Variants in GTF3C3 observed in about 807,000 individuals in gnomAD.
GTF3C3 encodes general transcription factor 3C polypeptide 3.
Under a neutral mutation model 105.2 loss-of-function variants are expected in GTF3C3, and 75 were observed. The observed-to-expected ratio is 0.71, with a 90% CI of 0.59 to 0.86. GTF3C3 has a LOEUF of 0.86. Among genes scored for constraint, GTF3C3 ranks in the 40% least tolerant of loss-of-function variants. The probability of loss-of-function intolerance (pLI) is 0.00; values close to 1 mark genes in which losing one functional copy is unlikely to be tolerated. For synonymous variants in GTF3C3, 335 were observed against 370.4 expected (o/e 0.90, Z 1.10); for missense variants, 856 against 1,076.5 (o/e 0.80, Z 2.87).
chr2:196,795,738 G>C (rs1428107989), intron 2 of GTF3C3, among the ~76,000 whole-genome samples: 1 of 152,188 alleles, frequency 6.6e-6, no homozygotes, highest in Non-Finnish European at 1.5e-5. Flanking sequence ...TACTAAGAAT[G>C]AGACAAAGTT....
chr2:196,799,278 G>C (rs979850485), intron 1 of GTF3C3: 1 of 487,790 alleles, frequency 2.1e-6, no homozygotes, highest in Non-Finnish European at 3.7e-6. Flanking sequence ...GTAGTATTGG[G>C]GGAAAAAGAA....
At position 196,764,574 on chromosome 2, in the gene GTF3C3, A is replaced by AAT; in HGVS notation, c.2648_2649dup (p.Cys884IlefsTer35). ...TCAGTTGCGGTGCTTTATATAGAAC[A>AAT]ATAGGTATACAAAAGCGTTTGAGCC... On this transcript the variant is annotated frameshift_variant, in exon 18 of 18. Coordinates refer to ENST00000263956, the MANE Select transcript of GTF3C3 (RefSeq NM_012086.5). LOFTEE classifies it high-confidence loss of function. 1 of 1,614,004 alleles carries AAT rather than the reference A, an allele frequency of 6.2e-7. No individual in the cohort carries two copies. Among genetic ancestry groups the AAT allele is most frequent in the African/African-American group, 1.3e-5 (1 of 75,050 alleles).
chr2:196,772,879 TA>T, intron 14 of GTF3C3, 36 bp downstream of exon 14: 1 of 1,047,014 alleles, frequency 9.6e-7, no homozygotes, highest in Non-Finnish European at 1.4e-6. Flanking sequence ...CTTACTCTAT[TA>T]AAGAATCTAA....
At chr2:196,792,731 C>G (rs1278248880) in intron 3 of GTF3C3, among the ~76,000 whole-genome samples, 2 of 152,196 alleles carry the variant, frequency 1.3e-5, no homozygotes, top group African/African-American at 4.8e-5. Context: ...GATCCTACCT[C>G]AGCCTCCGGA....
intron 16 of GTF3C3, among the ~76,000 whole-genome samples, chr2:196,769,649 C>A (rs960822368): frequency 6.6e-6 from 1 of 152,012 alleles, no homozygotes; most frequent in African/African-American, 2.4e-5. Flanking sequence ...TATAAGGAAG[C>A]CTGCCAGTGC....
intron 2 of GTF3C3, 54 bp downstream of exon 2, chr2:196,797,743 C>T: frequency 1.0e-5 from 10 of 993,192 alleles, no homozygotes; most frequent in Non-Finnish European, 1.5e-5. Context: ...CACTAAATTA[C>T]TTTGCTTACA....
intron 13 of GTF3C3, 109 bp downstream of exon 13, chr2:196,775,007 A>G: frequency 1.4e-6 from 1 of 729,934 alleles, no homozygotes; most frequent in Non-Finnish European, 2.1e-6. Flanking sequence ...GGAAAATTTC[A>G]TTTTATTTGA....
At chr2:196,782,156 T>C (rs909238383) in intron 8 of GTF3C3, among the ~76,000 whole-genome samples, 4 of 152,186 alleles carry the variant, frequency 2.6e-5, no homozygotes, top group African/African-American at 7.2e-5. Flanking sequence ...GGGTGGGATT[T>C]GTGCCCTTGT....
intron 16 of GTF3C3, 115 bp downstream of exon 16, chr2:196,769,800 A>G (rs939153564): frequency 3.8e-5 from 30 of 787,744 alleles, no homozygotes; most frequent in African/African-American, 5.3e-5. Context: ...GACCCCCGTC[A>G]TGTGTACTGA....
intron 5 of GTF3C3, 40 bp from the exon 6 acceptor site, chr2:196,789,409 G>A (rs774151346): frequency 7.0e-7 from 1 of 1,423,382 alleles, no homozygotes; most frequent in South Asian, 1.3e-5. Context: ...CACAAAAAGG[G>A]GTGCATGGTA....
chr2:196,790,895 AT>A (rs1699535270), intron 4 of GTF3C3, among the ~76,000 whole-genome samples: 1 of 152,190 alleles, frequency 6.6e-6, no homozygotes, highest in South Asian at 2.1e-4. Flanking sequence ...TTAAAAAAAA[AT>A]CACACTGAAG....
intron 8 of GTF3C3, among the ~76,000 whole-genome samples, chr2:196,781,355 A>T (rs866143845): frequency 0.041 from 1,256 of 30,544 alleles, 18 homozygotes; most frequent in East Asian, 0.11. Flanking sequence ...AAAAAAAAAA[A>T]AAATATATAT....
At position 196,770,017 on chromosome 2, in the gene GTF3C3, G is replaced by A. The variant is rs1321961443; in HGVS notation, c.2283C>T (p.Arg761=). 1.3e-6 allele frequency: 2 copies of A among 1,566,554 alleles called. No homozygotes were observed. The highest frequency in any genetic ancestry group is 8.6e-7 in the Non-Finnish European group (1 of 1,162,908). The change falls in exon 16 of 18, where the codon CGC becomes CGT. Residue 761 remains arginine, a synonymous_variant. Transcript: ENST00000263956. ...HALGQYVQAF[R]THPDEPLYSF... is the part of the protein sequence containing the mutation. The stretch of plus-strand genomic sequence containing the variant: ...TATAGAGAGGTTCGTCAGGGTGAGT[G>A]CGAAAGGCTTGCACATACTGTCCTG...
Position 196,776,784 on chromosome 2 carries a change from A to G in GTF3C3, c.1391-155T>C, listed in dbSNP as rs116323709. Among the ~76,000 whole-genome samples, 1 of 152,348 alleles carries G rather than the reference A, an allele frequency of 6.6e-6. No individual in the cohort carries two copies. The highest frequency in any genetic ancestry group is 1.5e-5 in the Non-Finnish European group (1 of 68,026). On this transcript the variant is annotated intron_variant, in intron 10 of 17. Coordinates refer to ENST00000263956, the MANE Select transcript of GTF3C3 (RefSeq NM_012086.5). This position sits in a 1 kb window ranked among gnomAD's most constrained non-coding sequence, Gnocchi z 4.5. Reference sequence around the variant, plus strand: ...TACTTTAAAACTATCCCTAATCTCTATTAATCAATCGATCTAATAAATTTA... The same window carrying G: ...TACTTTAAAACTATCCCTAATCTCTGTTAATCAATCGATCTAATAAATTTA...
At chr2:196,778,500 G>A (rs1357652814) in intron 10 of GTF3C3, 1 of 186,910 alleles carries the variant, frequency 5.4e-6, no homozygotes, top group Non-Finnish European at 1.1e-5. Context: ...TTGAGTATGT[G>A]TGGCTCAAAG....
chr2:196,799,608 A>C lies in GTF3C3; in HGVS notation c.4T>G (p.Ser2Ala), dbSNP rs749519727. ...TCGATGAGTTCCGGACTGAACCCTG[A>C]CATGTTTACAGGGTCTGTCTGTGCA... is the stretch of plus-strand genomic sequence containing the variant. M[S>A]GFSPELIDYL... The change falls in exon 1 of 18, where the codon TCA (serine) becomes GCA (alanine). Residue 2 changes from serine to alanine, a missense_variant. Ser to Ala is a moderately conservative substitution (Grantham distance 99, BLOSUM62 1). This residue lies in a region of GTF3C3 where 117 missense variants were observed against 114.0 expected (regional missense o/e 1.03). Transcript: ENST00000263956. The C allele has an allele frequency of 1.9e-6, 3 of 1,606,142 alleles. No individual in the cohort carries two copies. The highest frequency in any genetic ancestry group is 2.6e-6 in the Non-Finnish European group (3 of 1,172,732).
At chr2:196,794,822 C>T (rs1042826574) in intron 2 of GTF3C3, among the ~76,000 whole-genome samples, 1 of 151,712 alleles carries the variant, frequency 6.6e-6, no homozygotes, top group Non-Finnish European at 1.5e-5. Flanking sequence ...GCAGCCTCCA[C>T]CTCCCAGGTG....
In GTF3C3 at chr2:196,793,015, C is replaced by A. The variant is rs1366270138; in HGVS notation, c.352G>T (p.Ala118Ser). Residue 118 changes from alanine (A) to serine (S), a missense_variant, in exon 3 of 18, where the codon GCG becomes TCG. Transcript: ENST00000263956. ...ATCTCCAATACAAATACATCGCCCG[C>A]AGTGGGTTGCTCAGGTGTTTCTTCC... ...EEEETPEQPTAGDVFVLEMVL... is the reference protein window; with the variant it reads ...EEEETPEQPTSGDVFVLEMVL... 1 of 1,614,038 alleles carries A rather than the reference C, an allele frequency of 6.2e-7. No homozygotes were observed. Among genetic ancestry groups the A allele is most frequent in the Non-Finnish European group, 8.5e-7 (1 of 1,179,938 alleles).
intron 15 of GTF3C3, among the ~76,000 whole-genome samples, chr2:196,770,915 T>C (rs1356151024): frequency 6.6e-6 from 1 of 152,164 alleles, no homozygotes; most frequent in African/African-American, 2.4e-5. Flanking sequence ...CATCTGATGT[T>C]TGAGGTTACT....
Sources: gnomAD v4.1 joint callset for allele counts (sites outside exome capture counted in the v4.1 genomes callset) on GRCh38, gnomAD v4.1.1 for gene constraint, gnomAD v4.1.1 regional missense constraint, Gnocchi (gnomAD v3.1) non-coding constraint, MANE v1.5 for transcripts, NCBI Gene and HGNC (gene_info 2026-07-23, HGNC 2026-07-21) for gene names.